Variants in CLCC1 observed in about 807,000 individuals in gnomAD.
CLCC1 encodes the protein chloride channel CLIC like 1, also known as chloride channel CLIC-like protein 1.
A neutral mutation model predicts 63.3 loss-of-function variants in CLCC1; 39 were observed. The ratio of observed to expected loss-of-function variants is 0.62; its 90% CI spans 0.48 to 0.81. The LOEUF (loss-of-function observed/expected upper bound fraction) is 0.81. Ranked by LOEUF, CLCC1 falls within the 30% of genes least tolerant of loss-of-function variation. The probability of loss-of-function intolerance (pLI) is 0.00; values close to 1 mark genes in which losing one functional copy is unlikely to be tolerated. For missense variants in CLCC1, 549 were observed against 669.4 expected (o/e 0.82, Z 1.98); for synonymous variants, 217 against 239.8 (o/e 0.90, Z 0.88).
intron 2 of CLCC1, among the ~76,000 whole-genome samples, chr1:108,957,675 G>C (rs545130449): frequency 6.6e-6 from 1 of 151,662 alleles, no homozygotes; most frequent in Non-Finnish European, 1.5e-5. Flanking sequence ...CAGGGCAACT[G>C]GGAGAAGGGA....
intron 4 of CLCC1, among the ~76,000 whole-genome samples, chr1:108,948,484 C>A (rs144411491): frequency 1.3e-5 from 2 of 152,096 alleles, no homozygotes. Flanking sequence ...ATGAGTTGAG[C>A]GCTGAAATGC....
intron 7 of CLCC1, among the ~76,000 whole-genome samples, chr1:108,942,186 C>T (rs1056790896): frequency 6.6e-6 from 1 of 152,034 alleles, no homozygotes; most frequent in African/African-American, 2.4e-5. Flanking sequence ...TGCATTGAGC[C>T]GAGATTTCAC....
Position 108,940,086 on chromosome 1 carries a change from G to T in CLCC1, c.853C>A (p.Leu285Ile), listed in dbSNP as rs777991522. 6.2e-7 allele frequency: 1 copy of T among 1,613,736 alleles called. No individual in the cohort carries two copies. Among genetic ancestry groups the T allele is most frequent in the African/African-American group, 1.3e-5 (1 of 75,020 alleles). ...KDDPCQKYYELLLVNPIWLVP... is the reference protein window; with the variant it reads ...KDDPCQKYYEILLVNPIWLVP... Reference sequence around the variant, plus strand: ...AACCAAATAGGGTTGACTAGTAAGAGCTCATAGTATTTTTGGCATGGGTCA... The same window carrying T: ...AACCAAATAGGGTTGACTAGTAAGATCTCATAGTATTTTTGGCATGGGTCA... Residue 285 changes from leucine (L) to isoleucine (I), a missense_variant, in exon 9 of 13, where the codon CTC (leucine) becomes ATC (isoleucine). Transcript: ENST00000369969.
rs1652172119 is a variant in CLCC1, at chr1:108,932,518, C to T, written c.*46-17G>A. On this transcript the variant is annotated splice_polypyrimidine_tract_variant and intron_variant, in intron 12 of 12. Transcript: ENST00000369969. ...AATGGATATCTGTAATGAAAGAATA[C>T]AAAGGTGAAATTTTATTTAAAAATT... is the stretch of plus-strand genomic sequence containing the variant. 6.6e-6 allele frequency: 1 copy of T among 152,144 alleles called. No individual in the cohort carries two copies. The highest frequency in any genetic ancestry group is 1.5e-5 in the Non-Finnish European group (1 of 68,036). 9.4% of individuals were successfully genotyped at this position (152,144 alleles called of 1,614,324 possible). A position where few individuals can be genotyped will look rare whatever the true frequency, so the allele number is the denominator to read the frequency against.
intron 4 of CLCC1, among the ~76,000 whole-genome samples, chr1:108,948,974 C>CTA (rs931314608): frequency 3.7e-4 from 57 of 152,264 alleles, no homozygotes; most frequent in African/African-American, 1.3e-3. Context: ...TCTTATTGGG[C>CTA]TATATCTGGA....
intron 8 of CLCC1, among the ~76,000 whole-genome samples, 178 bp from the exon 9 acceptor site, chr1:108,940,320 A>C (rs1653680569): frequency 6.6e-6 from 1 of 152,254 alleles, no homozygotes; most frequent in South Asian, 2.1e-4. Flanking sequence ...TCTTATGTCC[A>C]AAATCATGTT....
At chr1:108,944,160 G>A (rs1654221680) in intron 5 of CLCC1, 103 bp from the exon 6 acceptor site, 1 of 812,820 alleles carries the variant, frequency 1.2e-6, no homozygotes, top group Non-Finnish European at 1.9e-6. Flanking sequence ...ATATTAGTTT[G>A]CAGTATTTCA....
At chr1:108,953,233 A>T (rs1655436142) in intron 2 of CLCC1, among the ~76,000 whole-genome samples, 1 of 152,236 alleles carries the variant, frequency 6.6e-6, no homozygotes, top group Admixed American at 6.5e-5. Flanking sequence ...TCTAGGCTAA[A>T]TTAAATACTC....
chr1:108,960,459 T>A (rs761945016), intron 2 of CLCC1, among the ~76,000 whole-genome samples: 1 of 152,224 alleles, frequency 6.6e-6, no homozygotes, highest in Non-Finnish European at 1.5e-5. Context: ...TGGCCATTTA[T>A]GACCTTTCAG....
chr1:108,946,930 A>C (rs2101669839), intron 5 of CLCC1, among the ~76,000 whole-genome samples: 1 of 152,224 alleles, frequency 6.6e-6, no homozygotes, highest in South Asian at 2.1e-4. Context: ...TTGGGAGGCC[A>C]AGGCAAGCGG....
At chr1:108,949,625 C>T (rs1654946980) in intron 4 of CLCC1, among the ~76,000 whole-genome samples, 195 bp downstream of exon 4, 1 of 151,928 alleles carries the variant, frequency 6.6e-6, no homozygotes, top group Non-Finnish European at 1.5e-5. Flanking sequence ...CAGGAAAATA[C>T]AAGGTACTAC....
At chr1:108,941,353 T>C (rs193139) in intron 8 of CLCC1, 52 bp downstream of exon 8, 218,810 of 1,465,260 alleles carry the variant, frequency 0.15, 18,657 homozygotes, top group African/African-American at 0.33. Context: ...TCTATGTTCT[T>C]TCATTCTCAG....
intron 4 of CLCC1, among the ~76,000 whole-genome samples, chr1:108,948,305 C>T (rs1366318270): frequency 6.6e-6 from 1 of 152,196 alleles, no homozygotes; most frequent in Non-Finnish European, 1.5e-5. Context: ...CAGGGTACCA[C>T]CCACATGGCA....
At chr1:108,950,487 T>TAAA (rs1655047713) in intron 2 of CLCC1, 39 bp from the exon 3 acceptor site, 2 of 1,209,106 alleles carry the variant, frequency 1.7e-6, no homozygotes, top group Non-Finnish European at 2.2e-6. Flanking sequence ...AATAGAATTA[T>TAAA]TTTTTTAAAT....
chr1:108,962,824 T>C (rs781737526), intron 1 of CLCC1, among the ~76,000 whole-genome samples: 1 of 145,682 alleles, frequency 6.9e-6, no homozygotes, highest in Middle Eastern at 3.4e-3. Flanking sequence ...TGAGCGGAGA[T>C]AGCACCACCG....
chr1:108,952,478 T>G (rs570780425), intron 2 of CLCC1, among the ~76,000 whole-genome samples: 1 of 148,608 alleles, frequency 6.7e-6, no homozygotes, highest in East Asian at 1.9e-4. Context: ...GCCCCCCCTG[T>G]TTTTTTTTAA....
rs751379265 is a variant in CLCC1 at position 108,934,796 on chromosome 1, G to A, written c.1530C>T (p.Pro510=). 318 of 1,614,056 alleles carry A rather than the reference G, an allele frequency of 2.0e-4. No homozygotes were observed. Among genetic ancestry groups the A allele is most frequent in the Non-Finnish European group, 2.3e-4 (266 of 1,180,044 alleles). ...ACTTGAGCTGGGCCTTTTCCGCTGC[G>A]GGTGAACCTTCTGTATTCCCTGATG... ...QDTSGNTEGS[P]AAEKAQLKSE... is the part of the protein sequence containing the mutation. The change falls in exon 12 of 13, where the codon CCC becomes CCT. Residue 510 remains proline, a synonymous_variant. Coordinates refer to ENST00000369969, the MANE Select transcript of CLCC1 (RefSeq NM_001377458.1).
chr1:108,940,210 A>G, intron 8 of CLCC1, 68 bp from the exon 9 acceptor site: 1 of 1,159,260 alleles, frequency 8.6e-7, no homozygotes, highest in Non-Finnish European at 1.3e-6. Context: ...CAAACAAGAC[A>G]TTACTTTGGT....
intron 6 of CLCC1, 49 bp from the exon 7 acceptor site, chr1:108,943,664 G>C (rs1323914794): frequency 6.2e-7 from 1 of 1,603,202 alleles, no homozygotes; most frequent in Non-Finnish European, 8.5e-7. Context: ...ACTTAAGACA[G>C]CTAAAAAGAA....
Sources: gnomAD v4.1 joint callset for allele counts (sites outside exome capture counted in the v4.1 genomes callset) on GRCh38, gnomAD v4.1.1 for gene constraint, MANE v1.5 for transcripts, NCBI Gene and HGNC (gene_info 2026-07-23, HGNC 2026-07-21) for gene names.